Variants in PIK3C2G observed in about 807,000 individuals in gnomAD.
The protein encoded by PIK3C2G is phosphatidylinositol 3-kinase C2 domain-containing subunit gamma.
In PIK3C2G, 168 loss-of-function variants were observed where a neutral mutation model predicts 181.1. The ratio of observed to expected loss-of-function variants is 0.93; its 90% CI spans 0.82 to 1.05. PIK3C2G has a LOEUF of 1.05. Ranked by LOEUF, PIK3C2G falls within the 50% of genes least tolerant of loss-of-function variation. PIK3C2G has a pLI of 0.00. For synonymous variants in PIK3C2G, 573 were observed against 592.2 expected, an observed-to-expected ratio of 0.97 and a Z score of 0.47; for missense variants, 1,869 against 1,732.8, an observed-to-expected ratio of 1.08 and a Z score of -1.40.
chr12:18,303,165 C>CT (rs1201687834), intron 5 of PIK3C2G, among the ~76,000 whole-genome samples: 1 of 113,650 alleles, frequency 8.8e-6, no homozygotes, highest in Non-Finnish European at 1.8e-5. Context: ...CTTTCTCTTT[C>CT]TTTCTTTCTC....
intron 26 of PIK3C2G, among the ~76,000 whole-genome samples, chr12:18,558,215 C>G (rs1945115125): frequency 6.6e-6 from 1 of 151,810 alleles, no homozygotes. Context: ...ATATACAGAC[C>G]CTTGGTTTTG....
intron 31 of PIK3C2G, among the ~76,000 whole-genome samples, chr12:18,616,973 A>G (rs1410960235): frequency 1.3e-5 from 2 of 152,174 alleles, no homozygotes; most frequent in Non-Finnish European, 2.9e-5. Flanking sequence ...ATTAAAATGT[A>G]AATGCTGGCA....
At chr12:18,620,697 T>C (rs976360363) in intron 31 of PIK3C2G, among the ~76,000 whole-genome samples, 10 of 152,040 alleles carry the variant, frequency 6.6e-5, no homozygotes, top group African/African-American at 2.4e-4. Flanking sequence ...ATATTCTGAA[T>C]TTGCAAAGTG....
At chr12:18,500,258 C>G (rs1318406360) in intron 22 of PIK3C2G, among the ~76,000 whole-genome samples, 1 of 152,044 alleles carries the variant, frequency 6.6e-6, no homozygotes, top group African/African-American at 2.4e-5. Flanking sequence ...CCGGCCCTGC[C>G]GGCCCGGGCA....
chr12:18,378,982 A>G (rs1942652192), intron 13 of PIK3C2G, among the ~76,000 whole-genome samples: 1 of 152,224 alleles, frequency 6.6e-6, no homozygotes, highest in Non-Finnish European at 1.5e-5. Context: ...TAGAACTAGA[A>G]ATACCATTTG....
the PIK3C2G span, chr12:18,693,271 A>G: frequency 6.6e-7 from 1 of 1,520,204 alleles, no homozygotes; most frequent in Non-Finnish European, 9.1e-7. Context: ...GTGCTGATGG[A>G]TGACATGGAT....
chr12:18,255,224 T>TAAAATA (rs58258891), intron 1 of PIK3C2G, among the ~76,000 whole-genome samples: 1 of 108,854 alleles, frequency 9.2e-6, no homozygotes, highest in African/African-American at 2.9e-5. Flanking sequence ...CAAAAATAAA[T>TAAAATA]AAATAAATAA....
At chr12:18,571,316 C>T (rs976910797) in intron 29 of PIK3C2G, among the ~76,000 whole-genome samples, 10 of 150,548 alleles carry the variant, frequency 6.6e-5, no homozygotes, top group African/African-American at 1.5e-4. Context: ...TGGGCAATTT[C>T]GGTAAAAATT....
At chr12:18,411,791 T>C (rs1944879530) in intron 16 of PIK3C2G, among the ~76,000 whole-genome samples, 1 of 152,194 alleles carries the variant, frequency 6.6e-6, no homozygotes, top group Non-Finnish European at 1.5e-5. Context: ...TCAGATTTCT[T>C]TGCTTTTCAG....
the PIK3C2G span, chr12:18,719,592 T>A: frequency 1.2e-6 from 2 of 1,606,766 alleles, no homozygotes; most frequent in Non-Finnish European, 8.5e-7. Flanking sequence ...AATCCATGTA[T>A]CTTGTAAAAC....
chr12:18,559,821 T>TATATATAGAGAGAGAGAGAGAGAG (rs1945244509), intron 26 of PIK3C2G, among the ~76,000 whole-genome samples: 1 of 18,372 alleles, frequency 5.4e-5, no homozygotes. Context: ...TATATATATA[T>TATATATAGAGAGAGAGAGAGAGAG]AGAGAGAGAG....
the PIK3C2G span, among the ~76,000 whole-genome samples, chr12:18,691,393 A>G: frequency 3.9e-5 from 6 of 152,310 alleles, no homozygotes; most frequent in African/African-American, 1.2e-4. Context: ...TCCCAAAATC[A>G]TGTCCAATTA....
chr12:18,559,799 TATATATATATATATATATATATAGAGAG>T (rs1369436392), intron 26 of PIK3C2G, among the ~76,000 whole-genome samples: 200 of 55,416 alleles, frequency 3.6e-3, no homozygotes, highest in African/African-American at 4.2e-3. Context: ...TATATATATA[TATATATATATATATATATATATAGAGAG>T]AGAGAGAGAG....
the PIK3C2G span, among the ~76,000 whole-genome samples, chr12:18,708,990 C>G: frequency 6.6e-6 from 1 of 151,994 alleles, no homozygotes; most frequent in Non-Finnish European, 1.5e-5. Context: ...TGATTGTTTC[C>G]TTTGCTGTGC....
Position 18,594,511 on chromosome 12 carries a change from C to A in PIK3C2G, c.4029C>A (p.Ser1343Arg). 1 of 1,553,622 alleles carries A rather than the reference C, an allele frequency of 6.4e-7. No homozygotes were observed. Among genetic ancestry groups the A allele is most frequent in the East Asian group, 2.4e-5 (1 of 41,092 alleles). Residue 1343 changes from serine to arginine, a missense_variant, in exon 30 of 33, where the codon AGC becomes AGA. Coordinates refer to ENST00000538779, the MANE Select transcript of PIK3C2G (RefSeq NM_001288772.2). Reference protein sequence around the residue: ...HEVTNSDCVLSFFLSEAVQQT... With the variant: ...HEVTNSDCVLRFFLSEAVQQT... ...TTTTTCAGAGTGATTGTGTACTTAG[C>A]TTTTTCCTCTCTGAGGCTGTGCAAC...
At chr12:18,658,473 A>G in the PIK3C2G span, among the ~76,000 whole-genome samples, 1 of 152,180 alleles carries the variant, frequency 6.6e-6, no homozygotes, top group Admixed American at 6.6e-5. Flanking sequence ...GAAATCCTCA[A>G]TAAGATTAAT....
At chr12:18,693,926 A>G in the PIK3C2G span, 2 of 1,526,214 alleles carry the variant, frequency 1.3e-6, no homozygotes, top group Non-Finnish European at 1.8e-6. Flanking sequence ...GCACGACTTG[A>G]TCATGGCTAA....
intron 16 of PIK3C2G, among the ~76,000 whole-genome samples, chr12:18,412,900 A>G (rs1944950345): frequency 6.6e-6 from 1 of 152,180 alleles, no homozygotes; most frequent in Non-Finnish European, 1.5e-5. Flanking sequence ...AAGCATTACC[A>G]TTTCAACTTA....
chr12:18,622,857 A>G (rs1303136450), intron 31 of PIK3C2G, among the ~76,000 whole-genome samples: 2 of 151,732 alleles, frequency 1.3e-5, no homozygotes, highest in East Asian at 3.9e-4. Flanking sequence ...CTTCTTTTGA[A>G]GTATGTCTAT....
Sources: allele counts gnomAD v4.1 joint callset (sites outside exome capture counted in the v4.1 genomes callset), GRCh38; gene constraint gnomAD v4.1.1; transcripts MANE v1.5; gene names NCBI Gene and HGNC (gene_info 2026-07-23, HGNC 2026-07-21).